Variants in STEAP1B observed in about 807,000 individuals in gnomAD.
STEAP1B encodes STEAP family member 1B, also known as STEAP family protein MGC87042.
Under a neutral mutation model 27.9 loss-of-function variants are expected in STEAP1B, and 13 were observed. The ratio of observed to expected loss-of-function variants is 0.47; its 90% CI spans 0.30 to 0.74. The LOEUF (loss-of-function observed/expected upper bound fraction) is 0.74, where lower values mean the gene tolerates loss of function less well. STEAP1B is among the 30% of genes least tolerant of loss of function. The pLI is 0.06. For missense variants in STEAP1B, 250 were observed against 298.7 expected (o/e 0.84, Z 1.20); for synonymous variants, 86 against 107.1 (o/e 0.80, Z 1.22).
At chr7:22,438,801 T>C (rs1785289644) in intron 4 of STEAP1B, 4 of 1,506,154 alleles carry the variant, frequency 2.7e-6, no homozygotes, top group Non-Finnish European at 2.7e-6. Context: ...GTGTAAAGTA[T>C]GTGGGAATTA....
chr7:22,421,999 C>T (rs1785050169), intron 4 of STEAP1B, among the ~76,000 whole-genome samples: 1 of 152,212 alleles, frequency 6.6e-6, no homozygotes, highest in South Asian at 2.1e-4. Context: ...TAGCTGGATG[C>T]ACTTTTCAAC....
intron 1 of STEAP1B, among the ~76,000 whole-genome samples, chr7:22,499,501 A>G (rs1226062955): frequency 1.3e-5 from 2 of 152,234 alleles, no homozygotes; most frequent in African/African-American, 4.8e-5. Flanking sequence ...TGTATTTTAC[A>G]AAAGTAACAA....
chr7:22,482,640 G>A (rs1439706401), intron 4 of STEAP1B, among the ~76,000 whole-genome samples: 1 of 152,212 alleles, frequency 6.6e-6, no homozygotes, highest in African/African-American at 2.4e-5. Context: ...GCACATAGGG[G>A]GAGGCAGATG....
chr7:22,441,100 T>C (rs2128401960), intron 4 of STEAP1B, among the ~76,000 whole-genome samples: 1 of 152,204 alleles, frequency 6.6e-6, no homozygotes, highest in African/African-American at 2.4e-5. Context: ...TTTATTTTTA[T>C]ATTTTTAATG....
intron 4 of STEAP1B, among the ~76,000 whole-genome samples, chr7:22,487,071 C>T (rs1475071056): frequency 6.6e-6 from 1 of 152,192 alleles, no homozygotes; most frequent in East Asian, 1.9e-4. Context: ...GAAAAGCCTT[C>T]TTGGTAACAA....
chr7:22,492,761 G>C, intron 3 of STEAP1B, 32 bp from the exon 4 acceptor site: 3 of 1,566,890 alleles, frequency 1.9e-6, no homozygotes, highest in African/African-American at 1.4e-5. Flanking sequence ...AAGAAGAAAT[G>C]CAAACAACAG....
chr7:22,479,027 GGGTACCTA>G (rs2128412999), intron 4 of STEAP1B, among the ~76,000 whole-genome samples: 1 of 152,258 alleles, frequency 6.6e-6, no homozygotes, highest in East Asian at 1.9e-4. Flanking sequence ...GGGCCGAGTG[GGGTACCTA>G]GGAGGCTGCC....
chr7:22,458,487 G>T (rs145761444), intron 4 of STEAP1B, among the ~76,000 whole-genome samples: 2 of 152,206 alleles, frequency 1.3e-5, no homozygotes, highest in Non-Finnish European at 2.9e-5. Flanking sequence ...TGCATTCAGT[G>T]ACCAGATTTG....
chr7:22,439,164 A>T (rs1284515505), intron 4 of STEAP1B, among the ~76,000 whole-genome samples: 1 of 151,604 alleles, frequency 6.6e-6, no homozygotes. Flanking sequence ...CTGTTTTAAG[A>T]ATGCCGTGCC....
In STEAP1B at chr7:22,456,952, C is replaced by A. The variant is rs865851591; in HGVS notation, c.762+35613G>T. On this transcript the variant is annotated intron_variant, in intron 4 of 4. Coordinates refer to ENST00000678116, the MANE Select transcript of STEAP1B (RefSeq NM_001382447.1). ...TTCAGAATGGGGGTGGGATAGGCAGCTATATATATATATATATATATTTTT... is the reference window on the plus strand; with the variant it reads ...TTCAGAATGGGGGTGGGATAGGCAGATATATATATATATATATATATTTTT... Among the ~76,000 whole-genome samples, 100 of 73,224 alleles carry A rather than the reference C, an allele frequency of 1.4e-3. 2 individuals carry two copies. Among genetic ancestry groups the A allele is most frequent in the African/African-American group, 4.1e-3 (79 of 19,450 alleles). 48.0% of individuals were successfully genotyped at this position (73,224 alleles called of 152,430 possible). A position where few individuals can be genotyped will look rare whatever the true frequency, so the allele number is the denominator to read the frequency against.
intron 4 of STEAP1B, among the ~76,000 whole-genome samples, chr7:22,444,766 G>A (rs1220132574): frequency 1.3e-5 from 2 of 152,216 alleles, no homozygotes; most frequent in East Asian, 3.9e-4. Context: ...GTTTTCCCCT[G>A]GAGATTTAAT....
chr7:22,455,733 T>C (rs571103977), intron 4 of STEAP1B, among the ~76,000 whole-genome samples: 5 of 152,220 alleles, frequency 3.3e-5, no homozygotes, highest in Non-Finnish European at 5.9e-5. Flanking sequence ...CAATGTGCTA[T>C]TTCTCACATA....
intron 1 of STEAP1B, among the ~76,000 whole-genome samples, chr7:22,499,595 T>C (rs903539546): frequency 2.5e-4 from 38 of 152,168 alleles, no homozygotes; most frequent in African/African-American, 9.2e-4. Flanking sequence ...ATTTAAAGCC[T>C]TGATTGACTA....
chr7:22,444,523 T>G (rs759930616), intron 4 of STEAP1B, among the ~76,000 whole-genome samples: 37 of 152,226 alleles, frequency 2.4e-4, no homozygotes, highest in Non-Finnish European at 5.1e-4. Context: ...GACCATGGAC[T>G]CTTTGCAGAC....
chr7:22,452,582 G>T (rs764615217), intron 4 of STEAP1B, among the ~76,000 whole-genome samples: 2 of 152,124 alleles, frequency 1.3e-5, no homozygotes, highest in Non-Finnish European at 2.9e-5. Context: ...AACGTCAAGA[G>T]AAAAGTACAG....
intron 4 of STEAP1B, among the ~76,000 whole-genome samples, chr7:22,443,675 T>A (rs145532229): frequency 1.3e-5 from 2 of 152,316 alleles, no homozygotes; most frequent in African/African-American, 4.8e-5. Flanking sequence ...CCAGGAGTCA[T>A]CGGAGAAAGG....
intron 4 of STEAP1B, among the ~76,000 whole-genome samples, chr7:22,424,257 C>T (rs896733574): frequency 1.3e-5 from 2 of 151,952 alleles, no homozygotes; most frequent in African/African-American, 2.4e-5. Context: ...ACTTGCCATA[C>T]GTAAGGCAAA....
At position 22,456,952 on chromosome 7, in the gene STEAP1B, C is replaced by CTATATATATATATATATATATATATA. The variant is rs199847360; in HGVS notation, c.762+35612_762+35613insTATATATATATATATATATATATATA. Among the ~76,000 whole-genome samples the CTATATATATATATATATATATATATA allele has an allele frequency of 3.4e-4, 25 of 73,220 alleles. 1 individual carries two copies. Among genetic ancestry groups the CTATATATATATATATATATATATATA allele is most frequent in the South Asian group, 3.1e-3 (5 of 1,594 alleles). 48.0% of individuals were successfully genotyped at this position (73,220 alleles called of 152,430 possible). A position where few individuals can be genotyped will look rare whatever the true frequency, so the allele number is the denominator to read the frequency against. On this transcript the variant is annotated intron_variant, in intron 4 of 4. Transcript: ENST00000678116. The stretch of plus-strand genomic sequence containing the variant: ...TTCAGAATGGGGGTGGGATAGGCAG[C>CTATATATATATATATATATATATATA]TATATATATATATATATATATTTTT...
At chr7:22,440,211 A>G (rs1260930451) in intron 4 of STEAP1B, among the ~76,000 whole-genome samples, 1 of 152,178 alleles carries the variant, frequency 6.6e-6, no homozygotes, top group Non-Finnish European at 1.5e-5. Flanking sequence ...AACAAATTAA[A>G]CTGTGGGAGC....
Sources: gnomAD v4.1 joint callset for allele counts (sites outside exome capture counted in the v4.1 genomes callset) on GRCh38, gnomAD v4.1.1 for gene constraint, MANE v1.5 for transcripts, NCBI Gene and HGNC (gene_info 2026-07-23, HGNC 2026-07-21) for gene names.